Variants in MSRA observed in about 807,000 individuals in gnomAD.
The protein encoded by MSRA is methionine sulfoxide reductase A.
A neutral mutation model predicts 31.3 loss-of-function variants in MSRA; 54 were observed. The ratio of observed to expected loss-of-function variants is 1.73; its 90% CI spans 1.39 to 2.17. MSRA has a LOEUF of 2.17. MSRA is among the 30% of genes most tolerant of loss of function. The pLI, the probability that MSRA is intolerant of heterozygous loss-of-function variation, is 0.00. For synonymous variants in MSRA, 169 were observed against 116.5 expected (o/e 1.45, Z -2.90); for missense variants, 507 against 300.9 (o/e 1.69, Z -5.07).
At chr8:10,187,166 G>C (rs1463724986) in intron 1 of MSRA, among the ~76,000 whole-genome samples, 1 of 152,166 alleles carries the variant, frequency 6.6e-6, no homozygotes, top group Non-Finnish European at 1.5e-5. Context: ...TCGGGAAATG[G>C]TACGACCAGC....
intron 1 of MSRA, among the ~76,000 whole-genome samples, chr8:10,088,662 G>C (rs953041062): frequency 2.0e-5 from 3 of 152,088 alleles, no homozygotes; most frequent in Admixed American, 6.6e-5. Flanking sequence ...TTTGAACCTG[G>C]GAGGATGAGG....
intron 1 of MSRA, among the ~76,000 whole-genome samples, chr8:10,206,050 G>GT (rs1397443058): frequency 1.3e-5 from 2 of 152,084 alleles, no homozygotes; most frequent in Non-Finnish European, 2.9e-5. Context: ...CTTCTCGTGT[G>GT]TTTTTTTCTT....
chr8:10,257,753 G>A (rs912124004), intron 3 of MSRA, among the ~76,000 whole-genome samples: 1 of 152,188 alleles, frequency 6.6e-6, no homozygotes, highest in Non-Finnish European at 1.5e-5. Context: ...TCAAGGCTTT[G>A]ATGAGCAGCA....
intron 5 of MSRA, among the ~76,000 whole-genome samples, chr8:10,371,747 A>G (rs1157150353): frequency 6.6e-6 from 1 of 152,078 alleles, no homozygotes; most frequent in Non-Finnish European, 1.5e-5. Context: ...CTACCATGCA[A>G]GCATAACCAC....
chr8:10,255,142 G>A (rs1798110187), intron 3 of MSRA, among the ~76,000 whole-genome samples: 1 of 152,242 alleles, frequency 6.6e-6, no homozygotes, highest in African/African-American at 2.4e-5. Flanking sequence ...AGCTTAGTCT[G>A]TAAAGCAGTT....
intron 1 of MSRA, among the ~76,000 whole-genome samples, chr8:10,090,419 T>G (rs1798797942): frequency 6.6e-6 from 1 of 152,184 alleles, no homozygotes; most frequent in African/African-American, 2.4e-5. Context: ...GATAAGAGTT[T>G]AGTTAATGTA....
At chr8:10,077,923 T>G (rs1429779492) in intron 1 of MSRA, among the ~76,000 whole-genome samples, 1 of 152,190 alleles carries the variant, frequency 6.6e-6, no homozygotes, top group Non-Finnish European at 1.5e-5. Flanking sequence ...TCAAGATGTA[T>G]CTCACAGCAT....
intron 3 of MSRA, among the ~76,000 whole-genome samples, chr8:10,253,682 C>T (rs1206777879): frequency 1.3e-5 from 2 of 152,096 alleles, no homozygotes; most frequent in African/African-American, 2.4e-5. Flanking sequence ...GATGAATGTG[C>T]CCACACTGAT....
intron 1 of MSRA, among the ~76,000 whole-genome samples, chr8:10,064,989 A>G (rs1037635928): frequency 4.6e-5 from 7 of 152,154 alleles, no homozygotes; most frequent in African/African-American, 9.7e-5. Flanking sequence ...AGTTTGCAGA[A>G]TGGAATGGTA....
intron 5 of MSRA, among the ~76,000 whole-genome samples, chr8:10,426,284 C>A (rs1297805734): frequency 6.6e-6 from 1 of 152,160 alleles, no homozygotes; most frequent in African/African-American, 2.4e-5. Flanking sequence ...AACTTCCATT[C>A]CGTCAAGCTG....
intron 5 of MSRA, among the ~76,000 whole-genome samples, chr8:10,387,866 G>A (rs985666771): frequency 5.9e-5 from 9 of 152,128 alleles, no homozygotes; most frequent in African/African-American, 2.2e-4. Context: ...GAAACAAGGT[G>A]GTTTAGAAAG....
chr8:10,104,938 A>G (rs948058228), intron 1 of MSRA, among the ~76,000 whole-genome samples: 1 of 152,152 alleles, frequency 6.6e-6, no homozygotes, highest in Non-Finnish European at 1.5e-5. Flanking sequence ...CTGTATCTTC[A>G]CCAACAGTTG....
chr8:10,417,146 T>C (rs1808509952), intron 5 of MSRA, among the ~76,000 whole-genome samples: 1 of 152,166 alleles, frequency 6.6e-6, no homozygotes, highest in Admixed American at 6.5e-5. Context: ...AAGTTAGATC[T>C]AATTGTGTCA....
intron 1 of MSRA, among the ~76,000 whole-genome samples, chr8:10,177,655 A>G (rs1806175004): frequency 6.6e-6 from 1 of 152,232 alleles, no homozygotes; most frequent in Admixed American, 6.5e-5. Flanking sequence ...CATTAAGGAA[A>G]TTTAAGATCT....
chr8:10,151,722 C>G (rs1455290112), intron 1 of MSRA, among the ~76,000 whole-genome samples: 1 of 152,142 alleles, frequency 6.6e-6, no homozygotes, highest in African/African-American at 2.4e-5. Context: ...GGTCAAGGCA[C>G]AAGTCTGGCT....
intron 5 of MSRA, among the ~76,000 whole-genome samples, chr8:10,368,576 A>G (rs557109426): frequency 3.9e-5 from 6 of 152,340 alleles, no homozygotes; most frequent in Admixed American, 3.9e-4. Flanking sequence ...CCTCTAGTGA[A>G]GGAATCTCTA....
intron 1 of MSRA, among the ~76,000 whole-genome samples, chr8:10,069,110 G>T (rs186366582): frequency 1.3e-5 from 2 of 152,132 alleles, no homozygotes. Context: ...ATTGACTTTC[G>T]TATATTAATC....
At chr8:10,426,791 A>G (rs1309713276) in intron 5 of MSRA, among the ~76,000 whole-genome samples, 1 of 152,244 alleles carries the variant, frequency 6.6e-6, no homozygotes, top group Non-Finnish European at 1.5e-5. Flanking sequence ...AAGTCTTTGC[A>G]CAGATCATGG....
At chr8:10,373,142 C>T (rs372123049) in intron 5 of MSRA, among the ~76,000 whole-genome samples, 42 of 152,366 alleles carry the variant, frequency 2.8e-4, no homozygotes, top group South Asian at 1.7e-3. Context: ...CTACCCTCTT[C>T]GGCCTCCCAA....
Sources: allele counts gnomAD v4.1 joint callset (sites outside exome capture counted in the v4.1 genomes callset), GRCh38; gene constraint gnomAD v4.1.1; transcripts MANE v1.5; gene names NCBI Gene and HGNC (gene_info 2026-07-23, HGNC 2026-07-21).